DGKB: variants seen among roughly 807,000 people sequenced by gnomAD.
DGKB encodes 90 kDa diacylglycerol kinase.
A neutral mutation model predicts 114.3 loss-of-function variants in DGKB; 67 were observed. The observed-to-expected ratio is 0.59, with a 90% CI of 0.48 to 0.72. The LOEUF (loss-of-function observed/expected upper bound fraction) is 0.72. Among genes scored for constraint, DGKB ranks in the 30% least tolerant of loss-of-function variants. The probability of loss-of-function intolerance (pLI) is 0.00; values close to 1 mark genes in which losing one functional copy is unlikely to be tolerated. For missense variants in DGKB, 907 were observed against 975.2 expected (o/e 0.93, Z 0.93); for synonymous variants, 398 against 323.1 (o/e 1.23, Z -2.49).
At chr7:14,535,461 G>A (rs1420670487) in intron 20 of DGKB, among the ~76,000 whole-genome samples, 1 of 151,018 alleles carries the variant, frequency 6.6e-6, no homozygotes, top group Non-Finnish European at 1.5e-5. Context: ...TATACCTCAA[G>A]TAACTACAAA....
intron 20 of DGKB, among the ~76,000 whole-genome samples, chr7:14,567,085 A>C (rs1297214318): frequency 8.1e-6 from 1 of 124,006 alleles, no homozygotes; most frequent in East Asian, 2.1e-4. Context: ...TATATAAAAA[A>C]TTATCCATTT....
intron 14 of DGKB, among the ~76,000 whole-genome samples, chr7:14,629,619 T>C (rs943275050): frequency 2.0e-5 from 3 of 152,008 alleles, no homozygotes; most frequent in African/African-American, 4.8e-5. Context: ...CACAGAACAA[T>C]GTGGAGGCTT....
chr7:14,548,222 T>C (rs1794595433), intron 20 of DGKB, among the ~76,000 whole-genome samples: 1 of 152,194 alleles, frequency 6.6e-6, no homozygotes, highest in Non-Finnish European at 1.5e-5. Context: ...TACGTGTCAA[T>C]GTATGTGCAG....
chr7:14,227,280 C>T (rs1465928236), intron 23 of DGKB, among the ~76,000 whole-genome samples: 1 of 152,012 alleles, frequency 6.6e-6, no homozygotes, highest in African/African-American at 2.4e-5. Flanking sequence ...ACTTCATGCA[C>T]ACCACACTGT....
intron 21 of DGKB, among the ~76,000 whole-genome samples, chr7:14,401,760 A>T (rs1366370932): frequency 6.6e-6 from 1 of 151,778 alleles, no homozygotes; most frequent in East Asian, 1.9e-4. Flanking sequence ...ACCCTCTAAA[A>T]ATGAGAGACA....
intron 14 of DGKB, among the ~76,000 whole-genome samples, chr7:14,622,414 T>C (rs563671985): frequency 3.1e-4 from 47 of 152,252 alleles, no homozygotes; most frequent in Admixed American, 2.2e-3. Flanking sequence ...CCCACAACTT[T>C]CAATTTCATT....
intron 13 of DGKB, among the ~76,000 whole-genome samples, chr7:14,634,679 G>A: frequency 6.6e-6 from 1 of 151,412 alleles, no homozygotes; most frequent in East Asian, 1.9e-4. Context: ...AAGAAAAATT[G>A]TCTTCATAAA....
At chr7:14,420,712 G>T (rs12535778) in intron 21 of DGKB, among the ~76,000 whole-genome samples, 40,005 of 151,854 alleles carry the variant, frequency 0.26, 5,775 homozygotes, top group East Asian at 0.48. Context: ...ACTTCTAATT[G>T]AAGTTTCACC....
intron 12 of DGKB, among the ~76,000 whole-genome samples, chr7:14,673,669 C>T (rs1819378342): frequency 6.6e-6 from 1 of 151,702 alleles, no homozygotes; most frequent in Non-Finnish European, 1.5e-5. Context: ...TATGTATGAG[C>T]CCAAACTAAT....
intron 1 of DGKB, among the ~76,000 whole-genome samples, chr7:14,966,085 A>G (rs936854114): frequency 6.6e-6 from 1 of 152,222 alleles, no homozygotes; most frequent in South Asian, 2.1e-4. Context: ...CTTCTGTTTA[A>G]TGGTTGAAAT....
In DGKB at chr7:14,859,880, A is replaced by G. The variant is rs147911171; in HGVS notation, c.-187-18430T>C. On this transcript the variant is annotated intron_variant, in intron 1 of 25. Transcript: ENST00000402815. ...TTATAATGTCACTTTATAATACACA[A>G]CATGGGCAGTTGATTGGACACAGCA... Among the ~76,000 whole-genome samples the G allele has an allele frequency of 2.2e-3, 335 of 152,198 alleles. 1 individual carries two copies. The highest frequency in any genetic ancestry group is 7.8e-3 in the African/African-American group (325 of 41,554).
chr7:14,385,034 T>C (rs1225998237), intron 21 of DGKB, among the ~76,000 whole-genome samples: 6 of 152,140 alleles, frequency 3.9e-5, no homozygotes, highest in Non-Finnish European at 2.9e-5. Context: ...TAAAAATAAT[T>C]GTGGCATTCT....
intron 5 of DGKB, among the ~76,000 whole-genome samples, chr7:14,720,100 G>GCACGCACACA (rs57777270): frequency 2.0e-5 from 3 of 151,314 alleles, no homozygotes; most frequent in African/African-American, 7.3e-5. Context: ...ACACACGCAC[G>GCACGCACACA]CACGCACACA....
At position 14,147,785 on chromosome 7, in the gene DGKB, C is replaced by T. The variant is rs535952038; in HGVS notation, c.*1346G>A. The T allele has an allele frequency of 2.0e-5, 3 of 152,636 alleles. No homozygotes were observed. The highest frequency in any genetic ancestry group is 6.5e-5 in the Admixed American group (1 of 15,286). 9.5% of individuals were successfully genotyped at this position (152,636 alleles called of 1,614,324 possible). On this transcript the variant is annotated 3_prime_UTR_variant, in exon 26 of 26. Coordinates refer to ENST00000402815, the MANE Select transcript of DGKB (RefSeq NM_001350709.2). ...GACTGCTCAGAAGCATTTCATTTTA[C>T]ATCATAGGCTTAATGAAACACTAAA...
At chr7:14,392,989 G>GTTTTTTTTTTTTTTTTTTTTTTTTTT (rs776845811) in intron 21 of DGKB, among the ~76,000 whole-genome samples, 5 of 10,182 alleles carry the variant, frequency 4.9e-4, no homozygotes, top group African/African-American at 9.2e-4. Flanking sequence ...CCTGTTTTTT[G>GTTTTTTTTTTTTTTTTTTTTTTTTTT]TTTTTGTTTT....
intron 23 of DGKB, among the ~76,000 whole-genome samples, chr7:14,330,990 A>T (rs1809627220): frequency 1.3e-5 from 2 of 152,020 alleles, no homozygotes; most frequent in Admixed American, 1.3e-4. Context: ...TCAAAATTAT[A>T]ACTTAAAAAA....
intron 2 of DGKB, among the ~76,000 whole-genome samples, chr7:14,796,926 T>C (rs1841493322): frequency 1.3e-5 from 2 of 152,058 alleles, no homozygotes. Flanking sequence ...TTCCAAACCT[T>C]AAAAAAATCT....
At chr7:14,969,383 C>T (rs1309603967) in intron 1 of DGKB, among the ~76,000 whole-genome samples, 1 of 152,132 alleles carries the variant, frequency 6.6e-6, no homozygotes, top group Admixed American at 6.6e-5. Flanking sequence ...GTGATTTCCT[C>T]TTTGTGTAAA....
intron 21 of DGKB, among the ~76,000 whole-genome samples, chr7:14,388,470 GAC>G (rs1414075356): frequency 5.4e-5 from 8 of 148,726 alleles, no homozygotes; most frequent in Middle Eastern, 3.6e-3. Flanking sequence ...AAGTAAAAAA[GAC>G]AAATTAAAAA....
Sources: allele counts gnomAD v4.1 joint callset (sites outside exome capture counted in the v4.1 genomes callset), GRCh38; gene constraint gnomAD v4.1.1; transcripts MANE v1.5; gene names NCBI Gene and HGNC (gene_info 2026-07-23, HGNC 2026-07-21).